The following ELMO1 variants were observed in gnomAD, a reference collection of about 807,000 sequenced individuals.
ELMO1 encodes the protein engulfment and cell motility protein 1.
A neutral mutation model predicts 98.9 loss-of-function variants in ELMO1; 26 were observed. The ratio of observed to expected loss-of-function variants is 0.26; its 90% CI spans 0.19 to 0.36. The LOEUF is 0.36. Ranked by LOEUF, ELMO1 falls within the 10% of genes least tolerant of loss-of-function variation. ELMO1 has a pLI of 1.00. For missense variants in ELMO1, 627 were observed against 935.2 expected, an observed-to-expected ratio of 0.67 and a Z score of 4.30; for synonymous variants, 346 against 346.0, an observed-to-expected ratio of 1.00 and a Z score of 0.00.
At chr7:37,032,147 CG>C (rs1339977495) in intron 15 of ELMO1, among the ~76,000 whole-genome samples, 1 of 152,124 alleles carries the variant, frequency 6.6e-6, no homozygotes, top group Non-Finnish European at 1.5e-5. Flanking sequence ...TGTATGTTCA[CG>C]GTGACTCAGA....
intron 15 of ELMO1, among the ~76,000 whole-genome samples, chr7:37,056,117 T>C (rs925678864): frequency 2.6e-5 from 4 of 152,232 alleles, no homozygotes; most frequent in African/African-American, 9.6e-5. Flanking sequence ...ATTTTAGTTC[T>C]AGTAAAATTT....
At chr7:37,374,234 C>G (rs1802234623) in intron 1 of ELMO1, among the ~76,000 whole-genome samples, 1 of 152,194 alleles carries the variant, frequency 6.6e-6, no homozygotes, top group East Asian at 1.9e-4. Flanking sequence ...AACATCAGCT[C>G]AGGGTCACCC....
chr7:36,888,393 G>A (rs1363450775), intron 17 of ELMO1, among the ~76,000 whole-genome samples: 1 of 151,984 alleles, frequency 6.6e-6, no homozygotes, highest in Non-Finnish European at 1.5e-5. Context: ...TTTATGTAGT[G>A]CCCTAGCATT....
intron 4 of ELMO1, among the ~76,000 whole-genome samples, chr7:37,281,326 A>G (rs1797130073): frequency 6.6e-6 from 1 of 152,186 alleles, no homozygotes; most frequent in Admixed American, 6.5e-5. Flanking sequence ...ACAAATCACC[A>G]CTAAAGAACT....
chr7:37,166,274 C>T (rs966770128), intron 13 of ELMO1, among the ~76,000 whole-genome samples: 2 of 152,030 alleles, frequency 1.3e-5, no homozygotes, highest in Non-Finnish European at 2.9e-5. Flanking sequence ...CTTTGTTGAT[C>T]CTTTCAAAAA....
At chr7:36,918,595 GCCAGGGCCAGGGT>G (rs1784893450) in intron 16 of ELMO1, among the ~76,000 whole-genome samples, 1 of 152,122 alleles carries the variant, frequency 6.6e-6, no homozygotes, top group Non-Finnish European at 1.5e-5. Flanking sequence ...AGGAATAGGG[GCCAGGGCCAGGGT>G]CCACAGTACA....
At chr7:36,911,709 T>C (rs551695835) in intron 16 of ELMO1, among the ~76,000 whole-genome samples, 2 of 152,308 alleles carry the variant, frequency 1.3e-5, no homozygotes, top group East Asian at 1.9e-4. Context: ...GCAGAATCTG[T>C]CCCTTCCTCT....
intron 16 of ELMO1, among the ~76,000 whole-genome samples, chr7:36,900,324 G>A (rs1226482227): frequency 6.6e-6 from 1 of 152,160 alleles, no homozygotes; most frequent in African/African-American, 2.4e-5. Flanking sequence ...GTCCCTGGAG[G>A]GCAGGAACTA....
At chr7:37,343,606 C>T (rs1331914295) in intron 1 of ELMO1, among the ~76,000 whole-genome samples, 10 of 150,906 alleles carry the variant, frequency 6.6e-5, no homozygotes, top group Admixed American at 6.0e-4. Context: ...CTCAGCCTCC[C>T]AAGTAGCCAG....
chr7:36,910,094 T>C (rs1017175827), intron 16 of ELMO1, among the ~76,000 whole-genome samples: 1 of 152,184 alleles, frequency 6.6e-6, no homozygotes, highest in African/African-American at 2.4e-5. Context: ...CAGATTAGTA[T>C]AGAACTCAAC....
At chr7:37,394,174 T>C (rs1803195679) in intron 1 of ELMO1, among the ~76,000 whole-genome samples, 1 of 152,148 alleles carries the variant, frequency 6.6e-6, no homozygotes, top group African/African-American at 2.4e-5. Flanking sequence ...AAGGAGAGAA[T>C]GGTCTCTCAC....
Position 37,271,901 on chromosome 7 carries a change from TC to T in ELMO1, c.193-20del. On this transcript the variant is annotated intron_variant, in intron 4 of 21. Coordinates refer to ENST00000310758, the MANE Select transcript of ELMO1 (RefSeq NM_014800.11). ...TGCGGTTCTGGAAAAGAAGAAAAAATCTTTGTAAATTTTCAAGTAGAAGCTT... is the reference window on the plus strand; with the variant it reads ...TGCGGTTCTGGAAAAGAAGAAAAAATTTTGTAAATTTTCAAGTAGAAGCTT... 6.2e-7 allele frequency: 1 copy of T among 1,612,524 alleles called. No individual in the cohort carries two copies. The highest frequency in any genetic ancestry group is 8.5e-7 in the Non-Finnish European group (1 of 1,179,220).
intron 16 of ELMO1, among the ~76,000 whole-genome samples, chr7:36,965,249 C>T (rs1412833812): frequency 6.6e-6 from 1 of 152,150 alleles, no homozygotes; most frequent in East Asian, 1.9e-4. Context: ...CCCGCTGCCT[C>T]CCTGAGGACA....
chr7:36,968,639 TTTTA>T (rs1391661450), intron 16 of ELMO1, among the ~76,000 whole-genome samples: 7 of 152,196 alleles, frequency 4.6e-5, no homozygotes, highest in South Asian at 4.1e-4. Flanking sequence ...TTTCTCTACA[TTTTA>T]TTTGATAGAT....
chr7:37,313,230 T>TC (rs368560265), intron 4 of ELMO1, among the ~76,000 whole-genome samples: 1 of 151,828 alleles, frequency 6.6e-6, no homozygotes, highest in Non-Finnish European at 1.5e-5. Flanking sequence ...GCTTTGTTTT[T>TC]TCTTTTTCTC....
chr7:37,342,828 T>A lies in ELMO1; in HGVS notation c.-73-65A>T. On this transcript the variant is annotated intron_variant, in intron 1 of 21. Coordinates refer to ENST00000310758, the MANE Select transcript of ELMO1 (RefSeq NM_014800.11). This position sits in a 1 kb window ranked among gnomAD's most constrained non-coding sequence, Gnocchi z 4.3. Reference sequence around the variant, plus strand: ...GTGCAGATGCAGGGTGAATTTTGCTTCATCACTTCCTGTTTTCACTGGTGG... The same window carrying A: ...GTGCAGATGCAGGGTGAATTTTGCTACATCACTTCCTGTTTTCACTGGTGG... 1 of 767,538 alleles carries A rather than the reference T, an allele frequency of 1.3e-6. No homozygotes were observed. The highest frequency in any genetic ancestry group is 2.1e-6 in the Non-Finnish European group (1 of 485,760). 47.5% of individuals were successfully genotyped at this position (767,538 alleles called of 1,614,324 possible).
chr7:37,412,992 G>A (rs916674727), intron 1 of ELMO1, among the ~76,000 whole-genome samples: 8 of 152,240 alleles, frequency 5.3e-5, no homozygotes, highest in African/African-American at 1.9e-4. Flanking sequence ...GAACCACCTG[G>A]CTAAGCTGCT....
At chr7:37,188,398 G>A (rs948822598) in intron 13 of ELMO1, among the ~76,000 whole-genome samples, 12 of 138,478 alleles carry the variant, frequency 8.7e-5, no homozygotes, top group African/African-American at 3.2e-4. Flanking sequence ...CATACAGACT[G>A]TGCTTCTTGT....
At chr7:36,889,739 G>C (rs10225887) in intron 17 of ELMO1, among the ~76,000 whole-genome samples, 1 of 152,178 alleles carries the variant, frequency 6.6e-6, no homozygotes, top group South Asian at 2.1e-4. Flanking sequence ...CTGTCACAAC[G>C]CATTTCATCA....
Sources: allele counts gnomAD v4.1 joint callset (sites outside exome capture counted in the v4.1 genomes callset), GRCh38; gene constraint gnomAD v4.1.1; non-coding constraint Gnocchi (gnomAD v3.1); transcripts MANE v1.5; gene names NCBI Gene and HGNC (gene_info 2026-07-23, HGNC 2026-07-21).